Variants in TMEM132D observed in about 807,000 individuals in gnomAD.
TMEM132D encodes transmembrane protein 132D, also known as mature OL transmembrane protein.
Under a neutral mutation model 62.3 loss-of-function variants are expected in TMEM132D, and 21 were observed. The ratio of observed to expected loss-of-function variants is 0.34; its 90% confidence interval spans 0.24 to 0.49. The LOEUF (loss-of-function observed/expected upper bound fraction) is 0.49. TMEM132D is among the 20% of genes least tolerant of loss of function. The pLI, the probability that TMEM132D is intolerant of heterozygous loss-of-function variation, is 0.99. For synonymous variants in TMEM132D, 621 were observed against 575.6 expected (o/e 1.08, Z -1.13); for missense variants, 1,346 against 1,402.8 (o/e 0.96, Z 0.65).
Position 129,337,946 on chromosome 12 carries a change from C to T in TMEM132D, c.1116-129G>A, listed in dbSNP as rs1869347777. On this transcript the variant is annotated intron_variant, in intron 3 of 8. Coordinates refer to ENST00000422113, the MANE Select transcript of TMEM132D (RefSeq NM_133448.3). The stretch of plus-strand genomic sequence containing the variant: ...ATGGAACCAAGCGCACACATCTCTG[C>T]AAAGAGCATTCAGAGATGCCATTCC... The T allele has an allele frequency of 1.1e-5, 10 of 923,792 alleles. No homozygotes were observed. In the South Asian group the frequency reaches 1.1e-4, roughly 11 times the overall value. The allele number at this position is 923,792 out of a possible 1,614,324, so 57.2% of individuals were successfully genotyped here. A position where few individuals can be genotyped will look rare whatever the true frequency, so the allele number is the denominator to read the frequency against.
chr12:129,767,162 T>C (rs1870580435), intron 1 of TMEM132D, among the ~76,000 whole-genome samples: 1 of 152,192 alleles, frequency 6.6e-6, no homozygotes, highest in South Asian at 2.1e-4. Flanking sequence ...CCTGTATCAA[T>C]TGCTCCAGAA....
At chr12:129,871,079 G>C (rs1451817621) in intron 1 of TMEM132D, among the ~76,000 whole-genome samples, 1 of 152,072 alleles carries the variant, frequency 6.6e-6, no homozygotes, top group Non-Finnish European at 1.5e-5. Context: ...TTTCCCTTTG[G>C]AATTAGCCTG....
In TMEM132D at chr12:129,719,376, T is replaced by C. The variant is rs575469526; in HGVS notation, c.80-18678A>G. ...TCAGCTCAGTAATATAAAAATACAT[T>C]TCCTTGAATGGAAAAAAATATTCTG... On this transcript the variant is annotated intron_variant, in intron 1 of 8. Coordinates refer to ENST00000422113, the MANE Select transcript of TMEM132D (RefSeq NM_133448.3). 2.6e-5 allele frequency among the ~76,000 whole-genome samples: 4 copies of C among 152,344 alleles called. No homozygotes were observed. In the South Asian group the frequency reaches 8.3e-4, roughly 32 times the overall value.
chr12:129,516,336 T>A (rs1875673763), intron 3 of TMEM132D, among the ~76,000 whole-genome samples: 1 of 152,212 alleles, frequency 6.6e-6, no homozygotes, highest in Admixed American at 6.5e-5. Flanking sequence ...AGTTCCACCA[T>A]GTATTAGTCT....
chr12:129,483,642 C>G (rs374051164), intron 3 of TMEM132D, among the ~76,000 whole-genome samples: 2 of 152,198 alleles, frequency 1.3e-5, no homozygotes, highest in African/African-American at 4.8e-5. Flanking sequence ...TGAACACAAA[C>G]GCTGCCAGCA....
chr12:129,379,809 A>G (rs923725400), intron 3 of TMEM132D, among the ~76,000 whole-genome samples: 1 of 152,198 alleles, frequency 6.6e-6, no homozygotes, highest in Non-Finnish European at 1.5e-5. Flanking sequence ...TCTGAAGACA[A>G]TAGTCGAGAA....
chr12:129,897,473 T>C (rs1344274331), intron 1 of TMEM132D, among the ~76,000 whole-genome samples: 1 of 152,078 alleles, frequency 6.6e-6, no homozygotes, highest in African/African-American at 2.4e-5. Context: ...GTTAGGGACA[T>C]AGATGAATAA....
chr12:129,279,442 C>A (rs1343107543), intron 4 of TMEM132D, among the ~76,000 whole-genome samples: 1 of 152,058 alleles, frequency 6.6e-6, no homozygotes, highest in East Asian at 1.9e-4. Context: ...AGAACTGAAA[C>A]CTGCAACAGA....
At chr12:129,869,354 C>T (rs566551762) in intron 1 of TMEM132D, among the ~76,000 whole-genome samples, 1 of 152,260 alleles carries the variant, frequency 6.6e-6, no homozygotes, top group African/African-American at 2.4e-5. Flanking sequence ...GTAGGACCTC[C>T]ATGGATACCA....
At chr12:129,614,658 G>C (rs1337834338) in intron 2 of TMEM132D, among the ~76,000 whole-genome samples, 1 of 152,172 alleles carries the variant, frequency 6.6e-6, no homozygotes, top group Non-Finnish European at 1.5e-5. Context: ...ACAGAGTCCA[G>C]ATAAACAGAA....
At chr12:129,388,775 T>G (rs1354984653) in intron 3 of TMEM132D, among the ~76,000 whole-genome samples, 1 of 117,810 alleles carries the variant, frequency 8.5e-6, no homozygotes, top group African/African-American at 3.2e-5. Context: ...CCAACACCAA[T>G]CCAGCACTGA....
At chr12:129,370,966 C>T (rs1870577767) in intron 3 of TMEM132D, among the ~76,000 whole-genome samples, 2 of 151,706 alleles carry the variant, frequency 1.3e-5, no homozygotes, top group Non-Finnish European at 2.9e-5. Context: ...TTTGATAGTA[C>T]AATAGAAAAA....
chr12:129,526,694 T>G (rs1287992176), intron 3 of TMEM132D, among the ~76,000 whole-genome samples: 1 of 152,222 alleles, frequency 6.6e-6, no homozygotes, highest in Non-Finnish European at 1.5e-5. Context: ...TAAGTTCTTA[T>G]CAGTGAGATG....
chr12:129,645,129 C>T (rs1008287983), intron 2 of TMEM132D, among the ~76,000 whole-genome samples: 2 of 152,096 alleles, frequency 1.3e-5, no homozygotes, highest in Admixed American at 6.6e-5. Context: ...TGCAGCCAAG[C>T]CCCCTCAGCT....
intron 2 of TMEM132D, among the ~76,000 whole-genome samples, chr12:129,618,372 T>G (rs1375298646): frequency 5.3e-5 from 8 of 152,184 alleles, no homozygotes; most frequent in Non-Finnish European, 1.2e-4. Flanking sequence ...CAGAAAGCAA[T>G]TGGAACCCTA....
intron 3 of TMEM132D, among the ~76,000 whole-genome samples, chr12:129,470,079 C>T (rs540118278): frequency 3.7e-4 from 56 of 152,254 alleles, no homozygotes; most frequent in African/African-American, 1.3e-3. Context: ...AGATACTGGA[C>T]GGATCAATCT....
chr12:129,454,610 T>C (rs1366676237), intron 3 of TMEM132D, among the ~76,000 whole-genome samples: 1 of 152,228 alleles, frequency 6.6e-6, no homozygotes, highest in South Asian at 2.1e-4. Context: ...CTTGAGTTCA[T>C]GTGTAAGTCA....
intron 5 of TMEM132D, among the ~76,000 whole-genome samples, chr12:129,089,611 C>T (rs1005873644): frequency 1.3e-5 from 2 of 152,372 alleles, no homozygotes; most frequent in Admixed American, 1.3e-4. Context: ...GGGTGTCCTC[C>T]CTGACGGGGG....
At chr12:129,078,787 C>G in intron 7 of TMEM132D, 62 bp from the exon 8 acceptor site, 2 of 1,557,790 alleles carry the variant, frequency 1.3e-6, no homozygotes, top group Non-Finnish European at 1.8e-6. Context: ...TGCCTCCAGT[C>G]ACAGGAGGAA....
Sources: allele counts gnomAD v4.1 joint callset (sites outside exome capture counted in the v4.1 genomes callset), GRCh38; gene constraint gnomAD v4.1.1; transcripts MANE v1.5; gene names NCBI Gene and HGNC (gene_info 2026-07-23, HGNC 2026-07-21).